The following CD84 variants were observed in gnomAD, a reference collection of about 807,000 sequenced individuals.
The protein encoded by CD84 is CD84 molecule.
Under a neutral mutation model 33.8 loss-of-function variants are expected in CD84, and 22 were observed. The ratio of observed to expected loss-of-function variants is 0.65; its 90% CI spans 0.46 to 0.93. The LOEUF (loss-of-function observed/expected upper bound fraction) is 0.93, where lower values mean the gene tolerates loss of function less well. CD84 is among the 40% of genes least tolerant of loss of function. The pLI is 0.00. For synonymous variants in CD84, 154 were observed against 145.2 expected, an observed-to-expected ratio of 1.06 and a Z score of -0.44; for missense variants, 400 against 397.6, an observed-to-expected ratio of 1.01 and a Z score of -0.05.
intron 1 of CD84, among the ~76,000 whole-genome samples, chr1:160,569,550 G>A (rs535425586): frequency 0.046 from 6,873 of 150,796 alleles, 504 homozygotes; most frequent in African/African-American, 0.16. Context: ...ACGCACGCAC[G>A]CACGCACGCA....
intron 1 of CD84, chr1:160,571,494 T>C (rs1034035091): frequency 6.6e-6 from 1 of 152,056 alleles, no homozygotes; most frequent in African/African-American, 2.4e-5. Flanking sequence ...CCTTTGAGAA[T>C]GTAGTACAAG....
In CD84 at chr1:160,547,570, A is replaced by G. The variant is rs899687997; in HGVS notation, c.*686T>C. The stretch of plus-strand genomic sequence containing the variant: ...AGCCACAACTCTGACAGAGACCCAC[A>G]CAGCACTGTCATCTGTGTTTGGACT... On this transcript the variant is annotated 3_prime_UTR_variant, in exon 7 of 7. Coordinates refer to ENST00000368054, the MANE Select transcript of CD84 (RefSeq NM_003874.4). 3 of 179,012 alleles carry G rather than the reference A, an allele frequency of 1.7e-5. No homozygotes were observed. Among genetic ancestry groups the G allele is most frequent in the African/African-American group, 7.0e-5 (3 of 42,622 alleles). The allele number at this position is 179,012 out of a possible 1,614,324, so 11.1% of individuals were successfully genotyped here. A position where few individuals can be genotyped will look rare whatever the true frequency, so the allele number is the denominator to read the frequency against.
At chr1:160,555,094 T>C (rs1163148816) in intron 2 of CD84, among the ~76,000 whole-genome samples, 2 of 151,134 alleles carry the variant, frequency 1.3e-5, no homozygotes, top group Non-Finnish European at 3.0e-5. Flanking sequence ...TTTTTTTTTT[T>C]TTTTGAGACG....
intron 2 of CD84, among the ~76,000 whole-genome samples, chr1:160,562,976 A>G (rs544064802): frequency 2.0e-5 from 3 of 152,144 alleles, no homozygotes; most frequent in Non-Finnish European, 4.4e-5. Flanking sequence ...GCAGCCAACA[A>G]ACATGTGAAA....
intron 4 of CD84, chr1:160,551,266 C>G (rs897895201): frequency 4.4e-5 from 21 of 475,798 alleles, no homozygotes; most frequent in African/African-American, 4.2e-4. Context: ...CAGATTAGGC[C>G]AAAGACAATT....
At chr1:160,578,672 C>T (rs753444201) in intron 1 of CD84, among the ~76,000 whole-genome samples, 5 of 152,072 alleles carry the variant, frequency 3.3e-5, no homozygotes, top group Non-Finnish European at 7.4e-5. Context: ...CACAGCACTC[C>T]CAGATCTATG....
At position 160,554,013 on chromosome 1, in the gene CD84, C is replaced by T. The variant is rs766906293; in HGVS notation, c.522G>A (p.Glu174=). The T allele has an allele frequency of 5.6e-6, 9 of 1,614,110 alleles. No homozygotes were observed. Among genetic ancestry groups the T allele is most frequent in the Admixed American group, 1.7e-5 (1 of 60,012 alleles). Residue 174 remains glutamate (E), a synonymous_variant, in exon 3 of 7, where the codon GAG becomes GAA. Transcript: ENST00000368054. ...TCTGGAAGATTTGAAGGACATTACC[C>T]TCTTCTCCCAGGGGACTCCAATTGT... ...VTYNWSPLGE[E]GNVLQIFQTP...
rs1481307605 is a variant in CD84 at position 160,547,406 on chromosome 1, GA to G, written c.*849del. 4 of 389,318 alleles carry G rather than the reference GA, an allele frequency of 1.0e-5. No individual in the cohort carries two copies. Among genetic ancestry groups the G allele is most frequent in the Admixed American group, 4.5e-5 (1 of 22,418 alleles). 24.1% of individuals were successfully genotyped at this position (389,318 alleles called of 1,614,324 possible). A position where few individuals can be genotyped will look rare whatever the true frequency, so the allele number is the denominator to read the frequency against. On this transcript the variant is annotated 3_prime_UTR_variant, in exon 7 of 7. Coordinates refer to ENST00000368054, the MANE Select transcript of CD84 (RefSeq NM_003874.4). ...TGCTGAGGCTGCTTGGAGTGATACA[GA>G]AGGAAATCTTGGCCAGAAAGAAAAT...
rs1392645141 is a variant in CD84 at position 160,545,851 on chromosome 1, C to A, written c.*2405G>T. 6.6e-6 allele frequency: 1 copy of A among 152,370 alleles called. No homozygotes were observed. Among genetic ancestry groups the A allele is most frequent in the Non-Finnish European group, 1.5e-5 (1 of 68,182 alleles). The allele number at this position is 152,370 out of a possible 1,614,324, so 9.4% of individuals were successfully genotyped here. ...TTTGCCATGCTGGCCAGGATCCTCT[C>A]AAATTCCTGACCTCAAGTGATCCGC... On this transcript the variant is annotated 3_prime_UTR_variant, in exon 7 of 7. Coordinates refer to ENST00000368054, the MANE Select transcript of CD84 (RefSeq NM_003874.4).
At chr1:160,550,336 G>T (rs948940900) in intron 5 of CD84, among the ~76,000 whole-genome samples, 2 of 152,064 alleles carry the variant, frequency 1.3e-5, no homozygotes, top group African/African-American at 4.8e-5. Context: ...TGACCAGGCA[G>T]ACCTCAGTCT....
rs1422691266 is a variant in CD84, at chr1:160,547,642, G to A, written c.*614C>T. The A allele has an allele frequency of 6.3e-6, 1 of 159,204 alleles. No individual in the cohort carries two copies. The highest frequency in any genetic ancestry group is 1.4e-5 in the Non-Finnish European group (1 of 72,972). 9.9% of individuals were successfully genotyped at this position (159,204 alleles called of 1,614,324 possible). ...CACAAAGATTCCCAGACAAAGGGAT[G>A]AGTGTGCTTATATGCAGCCCACATT... On this transcript the variant is annotated 3_prime_UTR_variant, in exon 7 of 7. Coordinates refer to ENST00000368054, the MANE Select transcript of CD84 (RefSeq NM_003874.4).
chr1:160,568,465 T>A (rs1385134547), intron 1 of CD84, among the ~76,000 whole-genome samples: 1 of 152,044 alleles, frequency 6.6e-6, no homozygotes, highest in Non-Finnish European at 1.5e-5. Flanking sequence ...AAGATGAAGA[T>A]TCTGCCACCT....
At chr1:160,552,259 T>C (rs1656282526) in intron 4 of CD84, among the ~76,000 whole-genome samples, 1 of 152,232 alleles carries the variant, frequency 6.6e-6, no homozygotes, top group Admixed American at 6.5e-5. Flanking sequence ...AATATCTCTT[T>C]GAGGGACCTT....
chr1:160,571,191 A>G (rs1326257742), intron 1 of CD84: 3 of 152,068 alleles, frequency 2.0e-5, no homozygotes, highest in East Asian at 1.9e-4. Flanking sequence ...GGGTTTAGAG[A>G]TCATCCACAG....
chr1:160,561,615 C>T (rs77330996), intron 2 of CD84, among the ~76,000 whole-genome samples: 1 of 152,138 alleles, frequency 6.6e-6, no homozygotes, highest in African/African-American at 2.4e-5. Flanking sequence ...GACAAGAATG[C>T]CCTCTTTCAT....
At chr1:160,555,286 T>C (rs961498891) in intron 2 of CD84, among the ~76,000 whole-genome samples, 59 of 152,064 alleles carry the variant, frequency 3.9e-4, no homozygotes, top group African/African-American at 1.4e-3. Flanking sequence ...AGTTTCACCG[T>C]GTTAGCTAGG....
At chr1:160,569,035 TGTTAGTTATTTCTGGA>T (rs1204808882) in intron 1 of CD84, among the ~76,000 whole-genome samples, 2 of 152,224 alleles carry the variant, frequency 1.3e-5, no homozygotes, top group Non-Finnish European at 2.9e-5. Flanking sequence ...GTAAAATAAA[TGTTAGTTATTTCTGGA>T]GTTGATACTG....
In CD84 at chr1:160,541,898, A is replaced by G. The variant is rs1194782672; in HGVS notation, c.*6358T>C. The G allele has an allele frequency of 2.6e-5, 4 of 152,232 alleles. No individual in the cohort carries two copies. The highest frequency in any genetic ancestry group is 5.9e-5 in the Non-Finnish European group (4 of 68,054). 9.4% of individuals were successfully genotyped at this position (152,232 alleles called of 1,614,324 possible). ...AAAGCAATGATCTGAGGGAGTGAGCATGTAGAGGGAAGGTGTATTAGAGAA... is the reference window on the plus strand; with the variant it reads ...AAAGCAATGATCTGAGGGAGTGAGCGTGTAGAGGGAAGGTGTATTAGAGAA... On this transcript the variant is annotated 3_prime_UTR_variant, in exon 7 of 7. Transcript: ENST00000368054.
rs2102101018 is a variant in CD84, at chr1:160,542,768, T to G, written c.*5488A>C. 1 of 152,330 alleles carries G rather than the reference T, an allele frequency of 6.6e-6. No individual in the cohort carries two copies. The highest frequency in any genetic ancestry group is 2.1e-4 in the South Asian group (1 of 4,824). 9.4% of individuals were successfully genotyped at this position (152,330 alleles called of 1,614,324 possible). A position where few individuals can be genotyped will look rare whatever the true frequency, so the allele number is the denominator to read the frequency against. On this transcript the variant is annotated 3_prime_UTR_variant, in exon 7 of 7. Transcript: ENST00000368054. ...GTCTGCAAGTCTCTAGAGAATGTATTAGTCATTACTTTCCTCCCTCAAGTC... is the reference window on the plus strand; with the variant it reads ...GTCTGCAAGTCTCTAGAGAATGTATGAGTCATTACTTTCCTCCCTCAAGTC...
Sources: allele counts gnomAD v4.1 joint callset (sites outside exome capture counted in the v4.1 genomes callset), GRCh38; gene constraint gnomAD v4.1.1; transcripts MANE v1.5; gene names NCBI Gene and HGNC (gene_info 2026-07-23, HGNC 2026-07-21).